The following CLASP1 variants were observed in gnomAD, a reference collection of about 807,000 sequenced individuals.
CLASP1 encodes the protein cytoplasmic linker associated protein 1.
Under a neutral mutation model 192.3 loss-of-function variants are expected in CLASP1, and 38 were observed. The ratio of observed to expected loss-of-function variants is 0.20; its 90% CI spans 0.15 to 0.26. The LOEUF is 0.26. Ranked by LOEUF, CLASP1 falls within the 10% of genes least tolerant of loss-of-function variation. The pLI, the probability that CLASP1 is intolerant of heterozygous loss-of-function variation, is 1.00. For missense variants in CLASP1, 1,433 were observed against 1,932.5 expected, an observed-to-expected ratio of 0.74 and a Z score of 4.85; for synonymous variants, 691 against 712.8, an observed-to-expected ratio of 0.97 and a Z score of 0.49.
intron 2 of CLASP1, 70 bp from the exon 3 acceptor site, chr2:121,530,395 G>C (rs2094740590): frequency 1.0e-5 from 13 of 1,282,862 alleles, no homozygotes; most frequent in Admixed American, 2.0e-5. Context: ...CACCCGCTCC[G>C]GGGAGGCCTA....
Position 121,430,159 on chromosome 2 carries a change from C to T in CLASP1, c.1931G>A (p.Arg644Gln), listed in dbSNP as rs532629050. ...GTTGGTGGCACTCCCAGAGCTTTGC[C>T]GTCTTGTGCGGATCCGACCTGGAGG... The change falls in exon 20 of 40, where the codon CGG (arginine) becomes CAG (glutamine). Residue 644 changes from arginine to glutamine, a missense_variant. Coordinates refer to ENST00000263710, the Ensembl canonical transcript of CLASP1. The T allele has an allele frequency of 3.4e-5, 54 of 1,569,482 alleles. No individual in the cohort carries two copies. The highest frequency in any genetic ancestry group is 1.7e-4 in the Middle Eastern group (1 of 6,018).
At chr2:121,541,298 A>G (rs1238625174) in intron 2 of CLASP1, among the ~76,000 whole-genome samples, 1 of 152,252 alleles carries the variant, frequency 6.6e-6, no homozygotes, top group African/African-American at 2.4e-5. Flanking sequence ...GGTAAAAACA[A>G]TGTTCACATT....
Position 121,518,291 on chromosome 2 carries a change from G to A in CLASP1, c.547-2529C>T, listed in dbSNP as rs117647824. ...TAAGGTTAAATGAGGTCATGATGGC[G>A]GGACCCTAAAATTAGAGGATTAGTG... On this transcript the variant is annotated intron_variant, in intron 6 of 39. Transcript: ENST00000263710. Among the ~76,000 whole-genome samples, 127 of 150,612 alleles carry A rather than the reference G, an allele frequency of 8.4e-4. 1 individual carries two copies. In the East Asian group the frequency reaches 0.022, roughly 26 times the overall value.
At chr2:121,550,249 A>C (rs1435636073) in intron 2 of CLASP1, among the ~76,000 whole-genome samples, 3 of 152,192 alleles carry the variant, frequency 2.0e-5, no homozygotes, top group African/African-American at 7.2e-5. Flanking sequence ...CAGCTAAGAC[A>C]GTGTTAAGAC....
intron 1 of CLASP1, 94 bp from the exon 2 acceptor site, chr2:121,606,274 T>C (rs2064396418): frequency 2.9e-6 from 1 of 341,252 alleles, no homozygotes. Context: ...CAATTCATGC[T>C]GCAGAATCAT....
intron 32 of CLASP1, among the ~76,000 whole-genome samples, chr2:121,385,622 T>G (rs1259919017): frequency 6.6e-6 from 1 of 152,216 alleles, no homozygotes; most frequent in Non-Finnish European, 1.5e-5. Flanking sequence ...AAATGCTTAA[T>G]TTGAGTTATC....
chr2:121,419,961 A>C (rs941368041), intron 22 of CLASP1, among the ~76,000 whole-genome samples: 3 of 152,212 alleles, frequency 2.0e-5, no homozygotes, highest in African/African-American at 7.2e-5. Flanking sequence ...ATACAGCCAA[A>C]GTATAACAAG....
chr2:121,364,923 T>C (rs2067094406), intron 36 of CLASP1, 171 bp downstream of exon 37: 1 of 675,418 alleles, frequency 1.5e-6, no homozygotes, highest in Admixed American at 2.4e-5. Context: ...GATAAAAACA[T>C]GACCTTACTA....
chr2:121,515,722 C>T, exon 7 of CLASP1: 1 of 1,614,008 alleles, frequency 6.2e-7, no homozygotes, highest in Non-Finnish European at 8.5e-7. Context: ...TCCTACATGT[C>T]TGTAAATTTC....
chr2:121,507,006 G>A (rs2093966191), intron 7 of CLASP1, among the ~76,000 whole-genome samples: 1 of 152,150 alleles, frequency 6.6e-6, no homozygotes, highest in Non-Finnish European at 1.5e-5. Context: ...ATTATTTCAA[G>A]TGTCCAGTTT....
At chr2:121,535,238 C>T (rs1311729984) in intron 2 of CLASP1, among the ~76,000 whole-genome samples, 1 of 152,166 alleles carries the variant, frequency 6.6e-6, no homozygotes, top group Non-Finnish European at 1.5e-5. Flanking sequence ...GAGTGGAGAT[C>T]GTGCCACTGC....
intron 2 of CLASP1, among the ~76,000 whole-genome samples, chr2:121,541,261 G>T (rs12615790): frequency 0.25 from 37,772 of 152,138 alleles, 7,423 homozygotes; most frequent in African/African-American, 0.54. Flanking sequence ...GGCCATTTCT[G>T]AAGCTTCAGA....
At chr2:121,359,058 T>C (rs1016376746) in intron 37 of CLASP1, among the ~76,000 whole-genome samples, 4 of 152,274 alleles carry the variant, frequency 2.6e-5, no homozygotes, top group African/African-American at 9.6e-5. Flanking sequence ...AAACATTTAC[T>C]GTGAACTTCA....
intron 34 of CLASP1, 100 bp from the exon 36 acceptor site, chr2:121,367,931 A>G: frequency 6.8e-7 from 1 of 1,476,658 alleles, no homozygotes; most frequent in Middle Eastern, 1.8e-4. Flanking sequence ...TTCACTTGAA[A>G]TATGTATGGC....
At chr2:121,454,018 T>A (rs923995048) in intron 14 of CLASP1, among the ~76,000 whole-genome samples, 1 of 152,154 alleles carries the variant, frequency 6.6e-6, no homozygotes, top group Non-Finnish European at 1.5e-5. Context: ...GAAATAACAA[T>A]CTGAGTGTGT....
chr2:121,599,163 G>A (rs2063489338), intron 2 of CLASP1, among the ~76,000 whole-genome samples: 1 of 151,624 alleles, frequency 6.6e-6, no homozygotes, highest in East Asian at 1.9e-4. Context: ...ATACCTGGCC[G>A]TATTTTTTTT....
At chr2:121,575,767 G>A (rs964362073) in intron 2 of CLASP1, among the ~76,000 whole-genome samples, 6 of 152,152 alleles carry the variant, frequency 3.9e-5, no homozygotes, top group South Asian at 4.1e-4. Flanking sequence ...GAAAGGAGGA[G>A]GACGGATAAA....
rs76115601 is a variant in CLASP1, at chr2:121,389,786, T to C, written c.3124-1880A>G. On this transcript the variant is annotated intron_variant, in intron 30 of 39. Coordinates refer to ENST00000263710, the Ensembl canonical transcript of CLASP1. ...GATGCAAATTATTAACTTAGAAGCT[T>C]AGAGTGTTTCCAAAGTAAAATCTTT... Among the ~76,000 whole-genome samples the C allele has an allele frequency of 8.5e-3, 1,300 of 152,316 alleles. 19 individuals carry two copies. The highest frequency in any genetic ancestry group is 0.03 in the African/African-American group (1,252 of 41,574).
intron 12 of CLASP1, among the ~76,000 whole-genome samples, chr2:121,459,239 G>A (rs893089443): frequency 7.3e-5 from 11 of 151,620 alleles, no homozygotes; most frequent in Non-Finnish European, 1.2e-4. Flanking sequence ...CCTTGCCCAC[G>A]TTGAACTTGA....
Sources: gnomAD v4.1 joint callset for allele counts (sites outside exome capture counted in the v4.1 genomes callset) on GRCh38, gnomAD v4.1.1 for gene constraint, MANE v1.5 for transcripts, NCBI Gene and HGNC (gene_info 2026-07-23, HGNC 2026-07-21) for gene names.